Variants in EPS8L2 observed in about 807,000 individuals in gnomAD.
EPS8L2 encodes EPS8 signaling adaptor L2.
Under a neutral mutation model 99.4 loss-of-function variants are expected in EPS8L2, and 81 were observed. The ratio of observed to expected loss-of-function variants is 0.82; its 90% confidence interval spans 0.68 to 0.98. EPS8L2 has a LOEUF of 0.98. Ranked by LOEUF, EPS8L2 falls within the 50% of genes least tolerant of loss-of-function variation. The probability of loss-of-function intolerance (pLI) is 0.00; values close to 1 mark genes in which losing one functional copy is unlikely to be tolerated. For missense variants in EPS8L2, 1,155 were observed against 968.8 expected, an observed-to-expected ratio of 1.19 and a Z score of -2.55; for synonymous variants, 509 against 407.3, an observed-to-expected ratio of 1.25 and a Z score of -3.01.
chr11:723,809 T>C (rs564281696), intron 15 of EPS8L2, among the ~76,000 whole-genome samples: 2 of 146,234 alleles, frequency 1.4e-5, no homozygotes, highest in African/African-American at 2.5e-5. Flanking sequence ...AACAAGCCTA[T>C]GGCACTAGGG....
rs753763343 is a variant in EPS8L2, at chr11:722,532, G to A, written c.1191G>A (p.Glu397=). The change falls in exon 13 of 21, where the codon GAG becomes GAA. Residue 397 remains glutamate (E), a synonymous_variant. Coordinates refer to ENST00000318562, the MANE Select transcript of EPS8L2 (RefSeq NM_022772.4). ...TGTCGCTGTGGGAGTCACTGGGAGA[G>A]AGCTGGATGCGGCCCCGGTAGGGCA... The part of the protein sequence containing the change: ...KEMSLWESLG[E]SWMRPRSEWP... The A allele has an allele frequency of 1.2e-6, 2 of 1,613,022 alleles. No homozygotes were observed. Among genetic ancestry groups the A allele is most frequent in the Admixed American group, 1.7e-5 (1 of 59,988 alleles).
At chr11:722,212 G>A (rs781039059) in intron 12 of EPS8L2, 47 bp downstream of exon 12, 68 of 1,591,232 alleles carry the variant, frequency 4.3e-5, no homozygotes, top group Non-Finnish European at 5.0e-5. Context: ...GGGCCCAGAG[G>A]CCTCTGCAGC....
In EPS8L2 at chr11:722,072, C is replaced by T; in HGVS notation, c.985-19C>T. The T allele has an allele frequency of 6.2e-7, 1 of 1,612,692 alleles. No individual in the cohort carries two copies. The highest frequency in any genetic ancestry group is 1.1e-5 in the South Asian group (1 of 91,022). On this transcript the variant is annotated intron_variant, in intron 11 of 20. Coordinates refer to ENST00000318562, the MANE Select transcript of EPS8L2 (RefSeq NM_022772.4). ...GCCCCGCCCCGCCCCGGCACCTGCT[C>T]ACTTGTTCCCACCCCCAGGCAAAGC... is the stretch of plus-strand genomic sequence containing the variant.
chr11:716,873 G>T (rs1862039544), intron 4 of EPS8L2, among the ~76,000 whole-genome samples: 1 of 152,200 alleles, frequency 6.6e-6, no homozygotes, highest in Non-Finnish European at 1.5e-5. Flanking sequence ...CCAGCAGCCT[G>T]GTTTTTCTTG....
At chr11:721,519 C>T (rs376247113) in intron 9 of EPS8L2, 46 bp from the exon 10 acceptor site, 1 of 1,521,340 alleles carries the variant, frequency 6.6e-7, no homozygotes, top group African/African-American at 1.4e-5. Context: ...CAAGGCGGGG[C>T]GGTGGGGAGT....
At chr11:713,599 C>T (rs1391313080) in intron 4 of EPS8L2, among the ~76,000 whole-genome samples, 7 of 152,170 alleles carry the variant, frequency 4.6e-5, no homozygotes, top group Admixed American at 1.3e-4. Context: ...GGCTGGAGTG[C>T]GGTGGCGTGA....
intron 9 of EPS8L2, 101 bp from the exon 10 acceptor site, chr11:721,464 T>C: frequency 1.3e-6 from 2 of 1,490,920 alleles, no homozygotes; most frequent in Non-Finnish European, 1.8e-6. Context: ...CCTCCGAAGG[T>C]GTGGGGCCCA....
chr11:713,192 C>T (rs1237100663), intron 4 of EPS8L2, among the ~76,000 whole-genome samples: 4 of 152,220 alleles, frequency 2.6e-5, no homozygotes, highest in Admixed American at 6.5e-5. Flanking sequence ...GTGGGGGGCA[C>T]CTGAGCCCGG....
At chr11:718,348 T>A (rs901866833) in intron 4 of EPS8L2, among the ~76,000 whole-genome samples, 1 of 151,508 alleles carries the variant, frequency 6.6e-6, no homozygotes, top group African/African-American at 2.4e-5. Flanking sequence ...AAACAAAAAC[T>A]AACAAACAAA....
intron 16 of EPS8L2, among the ~76,000 whole-genome samples, chr11:725,090 C>A (rs570390776): frequency 6.6e-6 from 1 of 152,338 alleles, no homozygotes; most frequent in East Asian, 1.9e-4. Context: ...ATCTGCACCA[C>A]GTGGACTCAG....
chr11:726,401 C>G lies in EPS8L2; in HGVS notation c.1851C>G (p.Ser617Arg), dbSNP rs780079769. ...QPQRHFRVER[S>R]QPVSQPLTYE... ...AGAGGCACTTCCGCGTGGAGCGCAGCCAGCCCGTGAGCCAGCCGCTCACCT... is the reference window on the plus strand; with the variant it reads ...AGAGGCACTTCCGCGTGGAGCGCAGGCAGCCCGTGAGCCAGCCGCTCACCT... The change falls in exon 19 of 21, where the codon AGC becomes AGG. Residue 617 changes from serine to arginine, a missense_variant. Physicochemically the swap from Ser to Arg is moderately radical, Grantham distance 110. Transcript: ENST00000318562. 1.1e-5 allele frequency: 18 copies of G among 1,607,636 alleles called. No individual in the cohort carries two copies. In the South Asian group the frequency reaches 2.0e-4, roughly 18 times the overall value.
At chr11:711,228 T>C (rs1252847218) in intron 4 of EPS8L2, among the ~76,000 whole-genome samples, 2 of 151,504 alleles carry the variant, frequency 1.3e-5, no homozygotes, top group Non-Finnish European at 2.9e-5. Flanking sequence ...AAATGTTTTT[T>C]TGGGGGGTTT....
chr11:720,432 G>C lies in EPS8L2; in HGVS notation c.328-165G>C, dbSNP rs947716869. The C allele has an allele frequency of 1.3e-5, 16 of 1,219,574 alleles. No homozygotes were observed. In the Admixed American group the frequency reaches 2.5e-4, roughly 19 times the overall value. 75.5% of individuals were successfully genotyped at this position (1,219,574 alleles called of 1,614,324 possible). On this transcript the variant is annotated intron_variant, in intron 5 of 20. Coordinates refer to ENST00000318562, the MANE Select transcript of EPS8L2 (RefSeq NM_022772.4). ...GTTTGGAAGCCGGGGTCAGCCTTGCGGTACAGCTGCGGGGTGTGTCCCGGG... is the reference window on the plus strand; with the variant it reads ...GTTTGGAAGCCGGGGTCAGCCTTGCCGTACAGCTGCGGGGTGTGTCCCGGG...
chr11:720,980 C>CG, intron 7 of EPS8L2, 71 bp downstream of exon 7: 5 of 1,434,488 alleles, frequency 3.5e-6, no homozygotes, highest in South Asian at 2.5e-5. Flanking sequence ...GGGGAGGAGC[C>CG]GGCAGGGGAG....
rs369792948 is a variant in EPS8L2, at chr11:722,445, C to T, written c.1104C>T (p.Ser368=). ...GCCCAGACATCGCACGCTCCGTCTC[C>T]TGCCCACTGCTCTCCCGAGATGCCG... ...CSGPDIARSV[S]CPLLSRDAVD... The change falls in exon 13 of 21, where the codon TCC becomes TCT. Residue 368 remains serine, a synonymous_variant. Coordinates refer to ENST00000318562, the MANE Select transcript of EPS8L2 (RefSeq NM_022772.4). The T allele has an allele frequency of 1.9e-6, 3 of 1,613,528 alleles. No individual in the cohort carries two copies. Among genetic ancestry groups the T allele is most frequent in the African/African-American group, 2.7e-5 (2 of 75,044 alleles).
At position 709,372 on chromosome 11, in the gene EPS8L2, T is replaced by C; in HGVS notation, c.-36T>C. ...GCCTCAGACCGGGGCCACACTGAGG[T>C]CTGCCCTTCTCCCGCTGGCCGCCAC... is the stretch of plus-strand genomic sequence containing the variant. On this transcript the variant is annotated 5_prime_UTR_variant, in exon 2 of 21. Coordinates refer to ENST00000318562, the MANE Select transcript of EPS8L2 (RefSeq NM_022772.4). 6.4e-7 allele frequency: 1 copy of C among 1,558,662 alleles called. No homozygotes were observed. Among genetic ancestry groups the C allele is most frequent in the Non-Finnish European group, 8.7e-7 (1 of 1,152,778 alleles).
At chr11:706,575 C>G (rs1861724119) in intron 1 of EPS8L2, 1 of 152,492 alleles carries the variant, frequency 6.6e-6, no homozygotes, top group African/African-American at 2.4e-5. Flanking sequence ...GACTCACCTG[C>G]CCCGTCCTGC....
intron 4 of EPS8L2, among the ~76,000 whole-genome samples, chr11:717,752 G>C (rs1382908904): frequency 6.6e-6 from 1 of 152,062 alleles, no homozygotes; most frequent in Non-Finnish European, 1.5e-5. Context: ...GCTCACGTCT[G>C]TAATCCCAGC....
At chr11:721,005 A>AGGGGAGGGGGGGAGCCGGCAG in intron 7 of EPS8L2, 59 bp from the exon 8 acceptor site, 1 of 1,397,716 alleles carries the variant, frequency 7.2e-7, no homozygotes, top group Non-Finnish European at 9.5e-7. Flanking sequence ...GGAGCCCGGC[A>AGGGGAGGGGGGGAGCCGGCAG]GGGAGGGAGG....
Sources: allele counts gnomAD v4.1 joint callset (sites outside exome capture counted in the v4.1 genomes callset), GRCh38; gene constraint gnomAD v4.1.1; transcripts MANE v1.5; gene names NCBI Gene and HGNC (gene_info 2026-07-23, HGNC 2026-07-21).